The following ANGPT2 variants were observed in gnomAD, a reference collection of about 807,000 sequenced individuals.
ANGPT2 encodes the protein angiopoietin-2.
A neutral mutation model predicts 62.9 loss-of-function variants in ANGPT2; 28 were observed. That is an observed-to-expected ratio of 0.44 (90% CI 0.33 to 0.61). The LOEUF is 0.61. Among genes scored for constraint, ANGPT2 ranks in the 20% least tolerant of loss-of-function variants. The pLI, the probability that ANGPT2 is intolerant of heterozygous loss-of-function variation, is 0.03. For synonymous variants in ANGPT2, 284 were observed against 207.8 expected (o/e 1.37, Z -3.15); for missense variants, 727 against 594.9 (o/e 1.22, Z -2.31).
At chr8:6,507,659 C>G (rs1190445001) in intron 8 of ANGPT2, 2 of 149,836 alleles carry the variant, frequency 1.3e-5, no homozygotes, top group African/African-American at 2.5e-5. Flanking sequence ...TTACTGCAAC[C>G]TCTGCCTCCC....
At chr8:6,536,977 A>G (rs1313843952) in intron 1 of ANGPT2, among the ~76,000 whole-genome samples, 3 of 151,520 alleles carry the variant, frequency 2.0e-5, no homozygotes, top group Non-Finnish European at 4.4e-5. Flanking sequence ...TACAAGAAAA[A>G]AAAAAAAAAA....
chr8:6,560,721 T>G (rs1287656721), intron 1 of ANGPT2, among the ~76,000 whole-genome samples: 2 of 152,170 alleles, frequency 1.3e-5, no homozygotes, highest in Non-Finnish European at 2.9e-5. Context: ...AGGAAGAAAT[T>G]TTGGTCGCCT....
Position 6,499,738 on chromosome 8 carries a change from A to G in ANGPT2, c.*3363T>C. 2 of 844,112 alleles carry G rather than the reference A, an allele frequency of 2.4e-6. No individual in the cohort carries two copies. The highest frequency in any genetic ancestry group is 2.7e-5 in the South Asian group (2 of 73,788). 52.3% of individuals were successfully genotyped at this position (844,112 alleles called of 1,614,324 possible). A position where few individuals can be genotyped will look rare whatever the true frequency, so the allele number is the denominator to read the frequency against. ...GACTTTGTTGTCTGAGAACACATCT[A>G]TTTCAGATCTGCGGAGTGTATCACT... On this transcript the variant is annotated 3_prime_UTR_variant, in exon 9 of 9. Coordinates refer to ENST00000629816, the MANE Select transcript of ANGPT2 (RefSeq NM_001118887.2).
Position 6,499,977 on chromosome 8 carries a change from A to T in ANGPT2, c.*3124T>A. ...ATGGTAAATGCAGTTTGCTGTTCTC[A>T]AGAAATTATTATAAACATAAGGGTG... is the stretch of plus-strand genomic sequence containing the variant. On this transcript the variant is annotated 3_prime_UTR_variant, in exon 9 of 9. Transcript: ENST00000629816. 1 of 1,507,140 alleles carries T rather than the reference A, an allele frequency of 6.6e-7. No homozygotes were observed. Among genetic ancestry groups the T allele is most frequent in the Non-Finnish European group, 9.2e-7 (1 of 1,083,168 alleles). The allele number at this position is 1,507,140 out of a possible 1,614,324, so 93.4% of individuals were successfully genotyped here. A position where few individuals can be genotyped will look rare whatever the true frequency, so the allele number is the denominator to read the frequency against.
intron 1 of ANGPT2, among the ~76,000 whole-genome samples, chr8:6,561,290 C>T (rs952165495): frequency 2.6e-5 from 4 of 152,222 alleles, no homozygotes; most frequent in African/African-American, 9.6e-5. Context: ...ATGAAATCTA[C>T]ATTTGATAGG....
intron 1 of ANGPT2, among the ~76,000 whole-genome samples, chr8:6,539,926 G>A (rs1192715466): frequency 6.6e-6 from 1 of 152,172 alleles, no homozygotes; most frequent in Non-Finnish European, 1.5e-5. Context: ...ACTGTATCTA[G>A]ATAACCAACC....
intron 8 of ANGPT2, among the ~76,000 whole-genome samples, chr8:6,505,262 T>TTTATG (rs1813141143): frequency 4.3e-5 from 1 of 23,438 alleles, no homozygotes; most frequent in African/African-American, 1.3e-4. Flanking sequence ...TATATATGTT[T>TTTATG]TATATATATG....
At chr8:6,531,655 T>C (rs1819539629) in intron 2 of ANGPT2, among the ~76,000 whole-genome samples, 1 of 152,174 alleles carries the variant, frequency 6.6e-6, no homozygotes, top group Non-Finnish European at 1.5e-5. Flanking sequence ...AATCTCACAG[T>C]GGAAAGAGAA....
At chr8:6,503,342 C>G in intron 8 of ANGPT2, 81 bp from the exon 9 acceptor site, 1 of 1,482,612 alleles carries the variant, frequency 6.7e-7, no homozygotes. Flanking sequence ...TCAGCTAAGG[C>G]AGGAGGCACA....
At chr8:6,543,480 C>T (rs55884132) in intron 1 of ANGPT2, among the ~76,000 whole-genome samples, 9 of 152,260 alleles carry the variant, frequency 5.9e-5, no homozygotes, top group Non-Finnish European at 7.4e-5. Context: ...AACGCACTGA[C>T]GGGCAATGTG....
intron 1 of ANGPT2, among the ~76,000 whole-genome samples, chr8:6,549,277 T>G (rs1000227103): frequency 3.3e-5 from 5 of 152,206 alleles, no homozygotes; most frequent in African/African-American, 1.2e-4. Flanking sequence ...TGCACGGTGA[T>G]GGAAAAGAAG....
intron 5 of ANGPT2, among the ~76,000 whole-genome samples, chr8:6,516,196 A>G (rs1257484462): frequency 1.3e-5 from 2 of 152,228 alleles, no homozygotes; most frequent in African/African-American, 4.8e-5. Context: ...AGTCTGCACA[A>G]GCTAACCCCT....
chr8:6,524,742 C>G (rs948602980), intron 3 of ANGPT2, among the ~76,000 whole-genome samples: 3 of 152,136 alleles, frequency 2.0e-5, no homozygotes, highest in Non-Finnish European at 4.4e-5. Flanking sequence ...GAATGTCTCC[C>G]TTGAGGAAAA....
intron 3 of ANGPT2, among the ~76,000 whole-genome samples, chr8:6,525,524 C>G (rs1200209247): frequency 6.6e-6 from 1 of 152,250 alleles, no homozygotes; most frequent in East Asian, 1.9e-4. Context: ...GCCACTGTGC[C>G]TGGCTTGAAT....
chr8:6,528,891 C>G (rs1206520501), intron 2 of ANGPT2, among the ~76,000 whole-genome samples: 1 of 152,190 alleles, frequency 6.6e-6, no homozygotes, highest in Non-Finnish European at 1.5e-5. Context: ...CACAAAAAGT[C>G]TTCTGTGAGA....
chr8:6,505,285 T>TTA (rs1563305563), intron 8 of ANGPT2, among the ~76,000 whole-genome samples: 3 of 105,322 alleles, frequency 2.8e-5, no homozygotes, highest in African/African-American at 1.5e-4. Flanking sequence ...TACATATATA[T>TTA]GTTATATACA....
intron 5 of ANGPT2, among the ~76,000 whole-genome samples, chr8:6,517,217 G>A (rs1816426649): frequency 6.6e-6 from 1 of 152,102 alleles, no homozygotes; most frequent in African/African-American, 2.4e-5. Flanking sequence ...ACAAACCTAA[G>A]GGCAGTTAAT....
intron 1 of ANGPT2, among the ~76,000 whole-genome samples, chr8:6,544,634 G>C (rs1212756748): frequency 3.3e-5 from 5 of 152,158 alleles, no homozygotes; most frequent in Non-Finnish European, 7.3e-5. Flanking sequence ...ACTTGGCCAT[G>C]AAATGAAGCG....
chr8:6,526,625 G>C (rs1464201849), intron 3 of ANGPT2, among the ~76,000 whole-genome samples: 1 of 152,144 alleles, frequency 6.6e-6, no homozygotes, highest in Non-Finnish European at 1.5e-5. Flanking sequence ...CCAAAGGACA[G>C]AAAGAATTAT....
Sources: gnomAD v4.1 joint callset for allele counts (sites outside exome capture counted in the v4.1 genomes callset) on GRCh38, gnomAD v4.1.1 for gene constraint, MANE v1.5 for transcripts, NCBI Gene and HGNC (gene_info 2026-07-23, HGNC 2026-07-21) for gene names.